POFUT2: variants seen among roughly 807,000 people sequenced by gnomAD.
POFUT2 encodes GDP-fucose protein O-fucosyltransferase 2.
A neutral mutation model predicts 55.0 loss-of-function variants in POFUT2; 30 were observed. The ratio of observed to expected loss-of-function variants is 0.55; its 90% confidence interval spans 0.41 to 0.74. The LOEUF (loss-of-function observed/expected upper bound fraction) is 0.74, where lower values mean the gene tolerates loss of function less well. Among genes scored for constraint, POFUT2 ranks in the 30% least tolerant of loss-of-function variants. The probability of loss-of-function intolerance (pLI) is 0.00; values close to 1 mark genes in which losing one functional copy is unlikely to be tolerated. For synonymous variants in POFUT2, 267 were observed against 231.1 expected (o/e 1.16, Z -1.41); for missense variants, 524 against 562.6 (o/e 0.93, Z 0.69).
rs753740835 is a variant in POFUT2 at position 45,277,139 on chromosome 21, G to A, written c.709C>T (p.Arg237Cys). Residue 237 changes from arginine to cysteine, a missense_variant, in exon 6 of 9, where the codon CGT (arginine) becomes TGT (cysteine). Around this residue, in one of 2 missense-constraint regions of POFUT2, gnomAD observed 250 missense variants for 318.2 expected, o/e 0.79. Coordinates refer to ENST00000349485, the MANE Select transcript of POFUT2 (RefSeq NM_133635.6). This position sits in a 1 kb window ranked among gnomAD's most constrained non-coding sequence, Gnocchi z 6.9. ...TGCCTGGCAAACACCATGCTGCGAC[G>A]GGTCTGTGGAAACGGCGACGGCTCG... The part of the protein sequence containing the change: ...HYGGKEYWDT[R>C]RSMVFARHLR... 4.3e-6 allele frequency: 7 copies of A among 1,613,158 alleles called. No individual in the cohort carries two copies. The highest frequency in any genetic ancestry group is 2.2e-5 in the East Asian group (1 of 44,862).
rs551947880 is a variant in POFUT2 at position 45,269,673 on chromosome 21, C to G, written c.1012+166G>C. The stretch of plus-strand genomic sequence containing the variant: ...TGCGGAAGGCCGCAGGGTCCTCTGC[C>G]TAGGAAAACCAGAGACCTTTGTTCA... On this transcript the variant is annotated intron_variant, in intron 7 of 8. Coordinates refer to ENST00000349485, the MANE Select transcript of POFUT2 (RefSeq NM_133635.6). Among the ~76,000 whole-genome samples, 16 of 152,210 alleles carry G rather than the reference C, an allele frequency of 1.1e-4. No homozygotes were observed. In the South Asian group the frequency reaches 3.3e-3, roughly 32 times the overall value.
Position 45,270,840 on chromosome 21 carries a change from A to G in POFUT2, c.832-821T>C, listed in dbSNP as rs1198682362. ...CCAGCTCTCAGGGAGCCCCATCCCTAGGGGAAGGCGAAGAGCGCCACAGAG... is the reference window on the plus strand; with the variant it reads ...CCAGCTCTCAGGGAGCCCCATCCCTGGGGGAAGGCGAAGAGCGCCACAGAG... On this transcript the variant is annotated intron_variant, in intron 6 of 8. Transcript: ENST00000349485. The surrounding 1 kb of genome is among the most constrained non-coding windows in gnomAD (Gnocchi z 4.6). Among the ~76,000 whole-genome samples the G allele has an allele frequency of 3.9e-5, 6 of 152,236 alleles. No homozygotes were observed.
chr21:45,283,985 C>T (rs974296078), intron 2 of POFUT2, among the ~76,000 whole-genome samples: 9 of 152,210 alleles, frequency 5.9e-5, no homozygotes, highest in Admixed American at 3.3e-4. Flanking sequence ...CTGCCTCCCC[C>T]GGGGACAGAG....
Position 45,277,728 on chromosome 21 carries a change from G to A in POFUT2, c.705+375C>T, listed in dbSNP as rs371776444. 1 of 253,032 alleles carries A rather than the reference G, an allele frequency of 4.0e-6. No homozygotes were observed. Among genetic ancestry groups the A allele is most frequent in the Non-Finnish European group, 7.7e-6 (1 of 129,794 alleles). 15.7% of individuals were successfully genotyped at this position (253,032 alleles called of 1,614,324 possible). ...TCACCCCATCAATGCGGAAATCAAC[G>A]CCAACGGAAAAGACCCGCTGCAGAG... On this transcript the variant is annotated intron_variant, in intron 5 of 8. Coordinates refer to ENST00000349485, the MANE Select transcript of POFUT2 (RefSeq NM_133635.6). This position sits in a 1 kb window ranked among gnomAD's most constrained non-coding sequence, Gnocchi z 6.9.
chr21:45,286,272 G>A (rs1173899375), intron 1 of POFUT2, among the ~76,000 whole-genome samples: 2 of 152,214 alleles, frequency 1.3e-5, no homozygotes, highest in Non-Finnish European at 2.9e-5. Context: ...GGCTGGTTAT[G>A]TGCACTATGT....
At chr21:45,286,567 G>A (rs2031429246) in intron 1 of POFUT2, among the ~76,000 whole-genome samples, 1 of 152,212 alleles carries the variant, frequency 6.6e-6, no homozygotes, top group African/African-American at 2.4e-5. Flanking sequence ...AAGTGAAAAA[G>A]GCGTATAATA....
Position 45,278,162 on chromosome 21 carries a change from T to A in POFUT2, c.646A>T (p.Met216Leu). ...LLRNTSARSV[M>L]LDRAENLLHD... ...AGTAGGTTCTCGGCTCTGTCTAACATCACGGACCTGTTTTTAAACAACAGA... is the reference window on the plus strand; with the variant it reads ...AGTAGGTTCTCGGCTCTGTCTAACAACACGGACCTGTTTTTAAACAACAGA... The change falls in exon 5 of 9, where the codon ATG (methionine) becomes TTG (leucine). Residue 216 changes from methionine to leucine, a missense_variant. Transcript: ENST00000349485. The A allele has an allele frequency of 6.2e-7, 1 of 1,612,188 alleles. No individual in the cohort carries two copies. The highest frequency in any genetic ancestry group is 1.1e-5 in the South Asian group (1 of 91,050).
At chr21:45,274,786 C>T (rs4352300) in intron 6 of POFUT2, among the ~76,000 whole-genome samples, 4 of 152,126 alleles carry the variant, frequency 2.6e-5, no homozygotes, top group South Asian at 2.1e-4. Context: ...ATCATCAACT[C>T]AAGGTGGATT....
At position 45,278,302 on chromosome 21, in the gene POFUT2, G is replaced by A. The variant is rs1423911692; in HGVS notation, c.639-133C>T. 9.0e-6 allele frequency: 7 copies of A among 778,412 alleles called. No homozygotes were observed. In the East Asian group the frequency reaches 1.7e-4, roughly 19 times the overall value. The allele number at this position is 778,412 out of a possible 1,614,324, so 48.2% of individuals were successfully genotyped here. A position where few individuals can be genotyped will look rare whatever the true frequency, so the allele number is the denominator to read the frequency against. ...AAGTCTCCGAGGGACACTAACCAGG[G>A]CGCGTTGGGTGGTTATGGCTGAGAC... On this transcript the variant is annotated intron_variant, in intron 4 of 8. Coordinates refer to ENST00000349485, the MANE Select transcript of POFUT2 (RefSeq NM_133635.6).
At chr21:45,275,574 A>G (rs1026344597) in intron 6 of POFUT2, among the ~76,000 whole-genome samples, 10 of 152,224 alleles carry the variant, frequency 6.6e-5, no homozygotes, top group African/African-American at 2.4e-4. Context: ...CAGCCATAAC[A>G]AGGAACGAAA....
At chr21:45,287,225 C>G (rs1202889953) in intron 1 of POFUT2, among the ~76,000 whole-genome samples, 1 of 130,238 alleles carries the variant, frequency 7.7e-6, no homozygotes, top group African/African-American at 3.0e-5. Flanking sequence ...GCCCCTGTCC[C>G]GTCCCCGTCC....
In POFUT2 at chr21:45,287,796, A is replaced by G; in HGVS notation, c.76T>C (p.Phe26Leu). ...TCGGCCGCCGATTGTCCGGGCCAGA[A>G]CTCCTGGCCGGAGGCAGAAGCCGGA... ...WPPASASGQE[F>L]WPGQSAADIL... The change falls in exon 1 of 9, where the codon TTC becomes CTC. Residue 26 changes from phenylalanine to leucine, a missense_variant. Phe to Leu is a conservative substitution (Grantham distance 22). Coordinates refer to ENST00000349485, the MANE Select transcript of POFUT2 (RefSeq NM_133635.6). 6.7e-7 allele frequency: 1 copy of G among 1,499,606 alleles called. No individual in the cohort carries two copies. The highest frequency in any genetic ancestry group is 8.9e-7 in the Non-Finnish European group (1 of 1,119,396). The allele number at this position is 1,499,606 out of a possible 1,614,324, so 92.9% of individuals were successfully genotyped here. A position where few individuals can be genotyped will look rare whatever the true frequency, so the allele number is the denominator to read the frequency against.
At position 45,269,901 on chromosome 21, in the gene POFUT2, C is replaced by T. The variant is rs766778040; in HGVS notation, c.950G>A (p.Arg317His). 147 of 1,610,776 alleles carry T rather than the reference C, an allele frequency of 9.1e-5. No individual in the cohort carries two copies. The highest frequency in any genetic ancestry group is 1.9e-4 in the African/African-American group (14 of 74,676). The change falls in exon 7 of 9, where the codon CGC becomes CAC. Residue 317 changes from arginine (R) to histidine (H), a missense_variant. This residue lies in a region of POFUT2 where 250 missense variants were observed against 318.2 expected (regional missense o/e 0.79). Coordinates refer to ENST00000349485, the MANE Select transcript of POFUT2 (RefSeq NM_133635.6). Reference protein sequence around the residue: ...PSLEGAVRKIRSLMKTHRLDK... With the variant: ...PSLEGAVRKIHSLMKTHRLDK... ...CAGCCGGTGGGTCTTCATGAGGCTG[C>T]GGATCTTCCTCACGGCCCCTTCCAG...
In POFUT2 at chr21:45,264,694, C is replaced by A. The variant is rs137877170; in HGVS notation, c.*788G>T. On this transcript the variant is annotated 3_prime_UTR_variant, in exon 9 of 9. Coordinates refer to ENST00000349485, the MANE Select transcript of POFUT2 (RefSeq NM_133635.6). ...CGGGGCAGTCGGGGTGAGGGTGGGG[C>A]GGGGCAGTCGGGGCGAGGGAGGGGT... 314 of 15,510 alleles carry A rather than the reference C, an allele frequency of 0.02. 1 individual carries two copies. The highest frequency in any genetic ancestry group is 0.032 in the Non-Finnish European group (256 of 7,978). The allele number at this position is 15,510 out of a possible 1,614,324, so 1.0% of individuals were successfully genotyped here.
At chr21:45,272,728 C>G (rs1335875019) in intron 6 of POFUT2, among the ~76,000 whole-genome samples, 1 of 152,080 alleles carries the variant, frequency 6.6e-6, no homozygotes, top group Non-Finnish European at 1.5e-5. Flanking sequence ...TGGAGTAAAA[C>G]TGGAAATTAA....
In POFUT2 at chr21:45,270,025, A is replaced by G. The variant is rs1486969867; in HGVS notation, c.832-6T>C. ...AGCGCGGAGCCCAGCTTGACCTAGC[A>G]AAGAACCACAAGGAAATGCAGAAGC... On this transcript the variant is annotated splice_region_variant and splice_polypyrimidine_tract_variant and intron_variant, in intron 6 of 8. Coordinates refer to ENST00000349485, the MANE Select transcript of POFUT2 (RefSeq NM_133635.6). This position sits in a 1 kb window ranked among gnomAD's most constrained non-coding sequence, Gnocchi z 4.6. 1 of 1,532,916 alleles carries G rather than the reference A, an allele frequency of 6.5e-7. No individual in the cohort carries two copies. Among genetic ancestry groups the G allele is most frequent in the Non-Finnish European group, 8.7e-7 (1 of 1,145,512 alleles). The allele number at this position is 1,532,916 out of a possible 1,614,324, so 95.0% of individuals were successfully genotyped here.
At position 45,277,758 on chromosome 21, in the gene POFUT2, G is replaced by T; in HGVS notation, c.705+345C>A. 3.0e-6 allele frequency: 1 copy of T among 338,644 alleles called. No individual in the cohort carries two copies. The highest frequency in any genetic ancestry group is 5.5e-6 in the Non-Finnish European group (1 of 181,926). The allele number at this position is 338,644 out of a possible 1,614,324, so 21.0% of individuals were successfully genotyped here. On this transcript the variant is annotated intron_variant, in intron 5 of 8. Transcript: ENST00000349485. The surrounding 1 kb of genome is among the most constrained non-coding windows in gnomAD (Gnocchi z 6.9). ...CGGAAAAGACCCGCTGCAGAGAATAGTCCCACCTTTCAAAGCTAAAGAGAG... is the reference window on the plus strand; with the variant it reads ...CGGAAAAGACCCGCTGCAGAGAATATTCCCACCTTTCAAAGCTAAAGAGAG...
At chr21:45,287,221 G>C (rs1219357372) in intron 1 of POFUT2, among the ~76,000 whole-genome samples, 4 of 85,572 alleles carry the variant, frequency 4.7e-5, no homozygotes, top group Non-Finnish European at 6.9e-5. Flanking sequence ...CCCTGCCCCT[G>C]TCCCGTCCCC....
chr21:45,283,311 G>C (rs1420081354), intron 3 of POFUT2, 72 bp downstream of exon 3: 18 of 740,446 alleles, frequency 2.4e-5, no homozygotes, highest in East Asian at 8.3e-5. Flanking sequence ...CCTGAGGCGG[G>C]GGGGGGGGGA....
Sources: gnomAD v4.1 joint callset for allele counts (sites outside exome capture counted in the v4.1 genomes callset) on GRCh38, gnomAD v4.1.1 for gene constraint, gnomAD v4.1.1 regional missense constraint, Gnocchi (gnomAD v3.1) non-coding constraint, MANE v1.5 for transcripts, NCBI Gene and HGNC (gene_info 2026-07-23, HGNC 2026-07-21) for gene names.